The following DNAH14 variants were observed in gnomAD, a reference collection of about 807,000 sequenced individuals.
DNAH14 encodes the protein dynein axonemal heavy chain 14.
A neutral mutation model predicts 520.9 loss-of-function variants in DNAH14; 478 were observed. The ratio of observed to expected loss-of-function variants is 0.92; its 90% confidence interval spans 0.85 to 0.99. The LOEUF is 0.99. Among genes scored for constraint, DNAH14 ranks in the 50% least tolerant of loss-of-function variants. The probability of loss-of-function intolerance (pLI) is 0.00; values close to 1 mark genes in which losing one functional copy is unlikely to be tolerated. For missense variants in DNAH14, 4,831 were observed against 5,234.5 expected, an observed-to-expected ratio of 0.92 and a Z score of 2.38; for synonymous variants, 1,581 against 1,757.2, an observed-to-expected ratio of 0.90 and a Z score of 2.51.
chr1:224,997,392 CAA>C (rs1436329383), intron 8 of DNAH14, among the ~76,000 whole-genome samples: 1 of 152,060 alleles, frequency 6.6e-6, no homozygotes, highest in Non-Finnish European at 1.5e-5. Flanking sequence ...GCAGTGGGAT[CAA>C]AGTGAGATAA....
At chr1:224,948,764 T>C (rs1200794927) in intron 1 of DNAH14, among the ~76,000 whole-genome samples, 1 of 152,156 alleles carries the variant, frequency 6.6e-6, no homozygotes, top group African/African-American at 2.4e-5. Context: ...TTAAGATGCA[T>C]ACTTATCAAA....
At position 225,119,233 on chromosome 1, in the gene DNAH14, A is replaced by T; in HGVS notation, c.4105A>T (p.Arg1369Ter). 6.6e-7 allele frequency: 1 copy of T among 1,522,056 alleles called. No individual in the cohort carries two copies. The allele number at this position is 1,522,056 out of a possible 1,614,324, so 94.3% of individuals were successfully genotyped here. A position where few individuals can be genotyped will look rare whatever the true frequency, so the allele number is the denominator to read the frequency against. Residue 1369 changes from arginine (R) to a stop codon, truncating the protein, a stop_gained, in exon 26 of 86, where the codon AGA becomes TGA. Transcript: ENST00000682510. LOFTEE classifies it high-confidence loss of function. ...GLVLPKKIRV[R>*]SAVEQWLVNV... ...AACTAATTTTAGGAAAATTCGTGTAAGAAGTGCTGTAGAACAGTGGCTGGT... is the reference window on the plus strand; with the variant it reads ...AACTAATTTTAGGAAAATTCGTGTATGAAGTGCTGTAGAACAGTGGCTGGT...
intron 61 of DNAH14, 144 bp from the exon 62 acceptor site, chr1:225,322,520 G>A: frequency 1.4e-6 from 1 of 719,870 alleles, no homozygotes; most frequent in Non-Finnish European, 2.0e-6. Context: ...AGATACCTAA[G>A]TAATTAAATA....
chr1:225,247,286 A>G (rs1036183632), intron 43 of DNAH14, among the ~76,000 whole-genome samples: 1 of 135,800 alleles, frequency 7.4e-6, no homozygotes, highest in African/African-American at 3.0e-5. Flanking sequence ...GCGGGGCTGA[A>G]AACCCAGATG....
At chr1:225,034,178 G>A (rs1207467552) in intron 11 of DNAH14, among the ~76,000 whole-genome samples, 1 of 152,120 alleles carries the variant, frequency 6.6e-6, no homozygotes, top group Non-Finnish European at 1.5e-5. Flanking sequence ...TGCCCATTCA[G>A]TATAATGTTA....
At chr1:225,008,279 A>G (rs987148025) in intron 10 of DNAH14, among the ~76,000 whole-genome samples, 1 of 152,158 alleles carries the variant, frequency 6.6e-6, no homozygotes. Context: ...GTTGCGTAGT[A>G]TTCCATGGTG....
intron 56 of DNAH14, among the ~76,000 whole-genome samples, chr1:225,301,396 A>G (rs957669485): frequency 5.3e-5 from 8 of 152,214 alleles, no homozygotes; most frequent in Admixed American, 2.0e-4. Context: ...CAAGTCTGGA[A>G]AGGCAAGAAA....
chr1:225,083,092 A>T (rs771734377), intron 20 of DNAH14, among the ~76,000 whole-genome samples: 5 of 152,166 alleles, frequency 3.3e-5, no homozygotes, highest in Non-Finnish European at 7.4e-5. Context: ...AAATGAAAAT[A>T]TATTAAGAGC....
chr1:225,092,928 A>T (rs761276233), intron 21 of DNAH14, among the ~76,000 whole-genome samples: 6 of 152,164 alleles, frequency 3.9e-5, no homozygotes, highest in Non-Finnish European at 8.8e-5. Context: ...ACTAGAAGAA[A>T]GAGATGAATT....
intron 71 of DNAH14, among the ~76,000 whole-genome samples, chr1:225,351,233 A>C (rs4539098): frequency 0.2 from 30,459 of 151,972 alleles, 3,268 homozygotes; most frequent in East Asian, 0.35. Context: ...ATGGCAAAAA[A>C]CACAAAAATT....
At chr1:225,220,817 T>G (rs1360645941) in intron 41 of DNAH14, among the ~76,000 whole-genome samples, 1 of 152,166 alleles carries the variant, frequency 6.6e-6, no homozygotes, top group African/African-American at 2.4e-5. Context: ...AAATTTCACA[T>G]GAAACCAAAA....
At chr1:225,071,255 A>C (rs1245762458) in intron 17 of DNAH14, among the ~76,000 whole-genome samples, 1 of 152,112 alleles carries the variant, frequency 6.6e-6, no homozygotes, top group Non-Finnish European at 1.5e-5. Flanking sequence ...CAGACTTGTT[A>C]ATGTGGTTGC....
At chr1:225,057,900 G>A (rs1315273971) in intron 17 of DNAH14, among the ~76,000 whole-genome samples, 3 of 152,212 alleles carry the variant, frequency 2.0e-5, no homozygotes, top group African/African-American at 4.8e-5. Context: ...TGGTGGATAA[G>A]CTTTTTGATA....
At chr1:224,998,574 C>T (rs1488160010) in intron 8 of DNAH14, among the ~76,000 whole-genome samples, 1 of 151,882 alleles carries the variant, frequency 6.6e-6, no homozygotes, top group Non-Finnish European at 1.5e-5. Flanking sequence ...ATTATTTTTT[C>T]CTATTACTAA....
chr1:225,317,348 T>G (rs1360866038), intron 60 of DNAH14, among the ~76,000 whole-genome samples: 1 of 152,088 alleles, frequency 6.6e-6, no homozygotes, highest in Non-Finnish European at 1.5e-5. Flanking sequence ...TGACCTAAAA[T>G]TTTTCATTAT....
At chr1:225,132,983 A>C (rs1045686451) in intron 27 of DNAH14, among the ~76,000 whole-genome samples, 5 of 152,074 alleles carry the variant, frequency 3.3e-5, no homozygotes, top group African/African-American at 4.8e-5. Context: ...AGTAATGTTG[A>C]GGTTTTTTTC....
intron 41 of DNAH14, among the ~76,000 whole-genome samples, chr1:225,225,172 C>A (rs561514015): frequency 2.6e-5 from 4 of 152,158 alleles, no homozygotes; most frequent in Non-Finnish European, 5.9e-5. Flanking sequence ...TCCTGCAATT[C>A]CCAGATTGCC....
intron 36 of DNAH14, among the ~76,000 whole-genome samples, chr1:225,184,974 A>G (rs985700019): frequency 2.0e-5 from 3 of 152,102 alleles, no homozygotes; most frequent in African/African-American, 4.8e-5. Flanking sequence ...AAGTTAAATT[A>G]TGCCTCTTTG....
Position 225,192,877 on chromosome 1 carries a change from T to TA in DNAH14, c.5852_5853insA (p.Arg1952GlnfsTer16), listed in dbSNP as rs1363018880. The TA allele has an allele frequency of 6.5e-7, 1 of 1,549,512 alleles. No homozygotes were observed. The highest frequency in any genetic ancestry group is 8.7e-7 in the Non-Finnish European group (1 of 1,145,800). ...AAGAACACAAAGAAAGACATTGATC[T>TA]CAGACTAAAGTCAAGAATCTCAGAT... On this transcript the variant is annotated frameshift_variant, in exon 38 of 86. Transcript: ENST00000682510. LOFTEE classifies it high-confidence loss of function.
Sources: allele counts gnomAD v4.1 joint callset (sites outside exome capture counted in the v4.1 genomes callset), GRCh38; gene constraint gnomAD v4.1.1; transcripts MANE v1.5; gene names NCBI Gene and HGNC (gene_info 2026-07-23, HGNC 2026-07-21).